ATG5: variants seen among roughly 807,000 people sequenced by gnomAD.
The protein encoded by ATG5 is autophagy related 5, also known as autophagy protein 5.
In ATG5, 14 loss-of-function variants were observed where a neutral mutation model predicts 36.5. The observed-to-expected ratio is 0.38, with a 90% confidence interval of 0.25 to 0.60. ATG5 has a LOEUF of 0.60. Ranked by LOEUF, ATG5 falls within the 20% of genes least tolerant of loss-of-function variation. The pLI is 0.60. For synonymous variants in ATG5, 95 were observed against 101.5 expected (o/e 0.94, Z 0.38); for missense variants, 195 against 326.7 (o/e 0.60, Z 3.11).
chr6:106,200,981 T>C (rs1463390305), intron 7 of ATG5, among the ~76,000 whole-genome samples: 4 of 152,206 alleles, frequency 2.6e-5, no homozygotes, highest in Non-Finnish European at 4.4e-5. Context: ...AAGTCGCTTA[T>C]ATAGAATGGC....
At chr6:106,317,670 T>C (rs959185985) in intron 1 of ATG5, among the ~76,000 whole-genome samples, 41 of 152,216 alleles carry the variant, frequency 2.7e-4, no homozygotes, top group African/African-American at 9.9e-4. Context: ...GCGAATGATA[T>C]ACATGCATGT....
intron 5 of ATG5, among the ~76,000 whole-genome samples, chr6:106,259,532 T>G (rs1388366098): frequency 6.6e-6 from 1 of 152,238 alleles, no homozygotes; most frequent in African/African-American, 2.4e-5. Flanking sequence ...ATTATAATTG[T>G]AAAGCATTTC....
At chr6:106,321,694 C>T (rs1183434341) in intron 1 of ATG5, among the ~76,000 whole-genome samples, 4 of 152,162 alleles carry the variant, frequency 2.6e-5, no homozygotes, top group Non-Finnish European at 2.9e-5. Context: ...TTAATATCAG[C>T]TCCTTGGGAA....
intron 4 of ATG5, among the ~76,000 whole-genome samples, chr6:106,282,715 G>A (rs1376467123): frequency 2.6e-5 from 4 of 152,116 alleles, no homozygotes; most frequent in South Asian, 2.1e-4. Context: ...TGACAAACAC[G>A]TATTAAATTC....
chr6:106,317,093 A>T (rs1468295108), intron 1 of ATG5, among the ~76,000 whole-genome samples: 1 of 152,226 alleles, frequency 6.6e-6, no homozygotes. Flanking sequence ...GCATAAGGAC[A>T]TGGCTTTTGA....
At chr6:106,265,207 T>C (rs1407479217) in intron 5 of ATG5, among the ~76,000 whole-genome samples, 3 of 145,296 alleles carry the variant, frequency 2.1e-5, no homozygotes, top group Non-Finnish European at 3.0e-5. Context: ...GCAATCCTAG[T>C]CCCTGATAAA....
At chr6:106,247,881 T>C (rs919723038) in intron 6 of ATG5, among the ~76,000 whole-genome samples, 6 of 152,166 alleles carry the variant, frequency 3.9e-5, no homozygotes, top group Admixed American at 1.3e-4. Flanking sequence ...GTAAAAGTGC[T>C]CCAAGTACTG....
intron 1 of ATG5, among the ~76,000 whole-genome samples, chr6:106,321,324 C>T (rs905690660): frequency 6.6e-6 from 1 of 151,250 alleles, no homozygotes; most frequent in Non-Finnish European, 1.5e-5. Context: ...TTTTTCCCTC[C>T]TCTTTTGGCC....
At chr6:106,321,036 A>AG (rs1771045431) in intron 1 of ATG5, among the ~76,000 whole-genome samples, 1 of 152,246 alleles carries the variant, frequency 6.6e-6, no homozygotes, top group Non-Finnish European at 1.5e-5. Context: ...GAACAAGGGC[A>AG]GGGAAGATTT....
chr6:106,261,632 A>G (rs756947903), intron 5 of ATG5, among the ~76,000 whole-genome samples: 2 of 152,238 alleles, frequency 1.3e-5, no homozygotes, highest in Non-Finnish European at 2.9e-5. Context: ...GCTACTTTAA[A>G]TGAGAAGCAG....
chr6:106,301,699 G>A (rs996494301), intron 3 of ATG5, among the ~76,000 whole-genome samples: 1 of 151,846 alleles, frequency 6.6e-6, no homozygotes, highest in Non-Finnish European at 1.5e-5. Flanking sequence ...GAAGCATTTC[G>A]CATTTCAGAT....
At chr6:106,274,237 T>C (rs1779560775) in intron 5 of ATG5, among the ~76,000 whole-genome samples, 1 of 152,188 alleles carries the variant, frequency 6.6e-6, no homozygotes, top group South Asian at 2.1e-4. Context: ...GCACTTGCAG[T>C]AACAACTGCT....
intron 5 of ATG5, among the ~76,000 whole-genome samples, chr6:106,261,223 G>C (rs1779006243): frequency 6.6e-6 from 1 of 152,172 alleles, no homozygotes; most frequent in Non-Finnish European, 1.5e-5. Flanking sequence ...ATGTCTTACT[G>C]CAACGACAGC....
At chr6:106,281,727 G>A (rs1431153055) in intron 4 of ATG5, among the ~76,000 whole-genome samples, 1 of 152,192 alleles carries the variant, frequency 6.6e-6, no homozygotes, top group Non-Finnish European at 1.5e-5. Flanking sequence ...GTAAGTGTAT[G>A]TTCTAACTTT....
chr6:106,239,996 C>A (rs1778054443), intron 6 of ATG5, among the ~76,000 whole-genome samples: 1 of 151,786 alleles, frequency 6.6e-6, no homozygotes, highest in Non-Finnish European at 1.5e-5. Flanking sequence ...TGGGAAAGGA[C>A]CTTCTTTTTT....
intron 6 of ATG5, among the ~76,000 whole-genome samples, chr6:106,238,421 T>A (rs1353929574): frequency 1.3e-5 from 2 of 152,190 alleles, no homozygotes; most frequent in Non-Finnish European, 2.9e-5. Context: ...AAAGAACATA[T>A]TAACAACTAT....
rs185291589 is a variant in ATG5, at chr6:106,255,542, T to A, written c.479-7298A>T. On this transcript the variant is annotated intron_variant, in intron 5 of 7. Transcript: ENST00000369076. ...TAAACCATGACTGTAAGTTACAACA[T>A]CTTTAAACGTATTCCAAGAGTCAAT... Among the ~76,000 whole-genome samples, 237 of 152,272 alleles carry A rather than the reference T, an allele frequency of 1.6e-3. 1 individual carries two copies. The highest frequency in any genetic ancestry group is 5.4e-3 in the African/African-American group (223 of 41,566).
At chr6:106,220,427 C>G (rs951978397) in intron 6 of ATG5, among the ~76,000 whole-genome samples, 4 of 150,254 alleles carry the variant, frequency 2.7e-5, no homozygotes, top group Admixed American at 2.1e-4. Context: ...CACACAAGAA[C>G]TGAGGCGTAT....
intron 4 of ATG5, among the ~76,000 whole-genome samples, chr6:106,289,095 C>T (rs1780201743): frequency 6.6e-6 from 1 of 152,136 alleles, no homozygotes; most frequent in South Asian, 2.1e-4. Context: ...CTCAATACAA[C>T]ACCACAGAAG....
Sources: gnomAD v4.1 joint callset for allele counts (sites outside exome capture counted in the v4.1 genomes callset) on GRCh38, gnomAD v4.1.1 for gene constraint, MANE v1.5 for transcripts, NCBI Gene and HGNC (gene_info 2026-07-23, HGNC 2026-07-21) for gene names.